EXOC2: variants seen among roughly 807,000 people sequenced by gnomAD.
EXOC2 encodes the protein SEC5-like 1.
A neutral mutation model predicts 131.8 loss-of-function variants in EXOC2; 70 were observed. The observed-to-expected ratio is 0.53, with a 90% CI of 0.44 to 0.65. The LOEUF (loss-of-function observed/expected upper bound fraction) is 0.65, where lower values mean the gene tolerates loss of function less well. EXOC2 is among the 30% of genes least tolerant of loss of function. The probability of loss-of-function intolerance (pLI) is 0.00; values close to 1 mark genes in which losing one functional copy is unlikely to be tolerated. For missense variants in EXOC2, 923 were observed against 1,108.6 expected (o/e 0.83, Z 2.38); for synonymous variants, 411 against 398.4 (o/e 1.03, Z -0.38).
intron 21 of EXOC2, among the ~76,000 whole-genome samples, chr6:551,108 T>C (rs1183537443): frequency 6.6e-6 from 1 of 152,198 alleles, no homozygotes; most frequent in Non-Finnish European, 1.5e-5. Flanking sequence ...CAAAAGCTTA[T>C]TAACAACTAA....
intron 7 of EXOC2, among the ~76,000 whole-genome samples, chr6:609,250 C>A (rs1760589814): frequency 6.6e-6 from 1 of 152,152 alleles, no homozygotes. Flanking sequence ...CACATCACAG[C>A]CTTAAATTCA....
At chr6:588,811 T>G (rs1426493899) in intron 11 of EXOC2, among the ~76,000 whole-genome samples, 1 of 152,180 alleles carries the variant, frequency 6.6e-6, no homozygotes, top group Non-Finnish European at 1.5e-5. Context: ...ACCTTTTTTT[T>G]TTCCAAAACA....
Position 633,048 on chromosome 6 carries a change from C to A in EXOC2, c.188G>T (p.Arg63Leu). Residue 63 changes from arginine (R) to leucine (L), a missense_variant, in exon 3 of 28, where the codon CGA (arginine) becomes CTA (leucine). Physicochemically the swap from Arg to Leu is moderately radical, Grantham distance 102. Coordinates refer to ENST00000230449, the MANE Select transcript of EXOC2 (RefSeq NM_018303.6). ...TTTGTCATTTTTGGCTTGTCCCACT[C>A]GACATACTATTTTACTTGCAGACAT... ...EWMSASKIVC[R>L]VGQAKNDKGD... The A allele has an allele frequency of 6.2e-7, 1 of 1,614,122 alleles. No homozygotes were observed. Among genetic ancestry groups the A allele is most frequent in the Non-Finnish European group, 8.5e-7 (1 of 1,180,020 alleles).
At chr6:572,990 G>A (rs1581467666) in intron 12 of EXOC2, among the ~76,000 whole-genome samples, 2 of 152,158 alleles carry the variant, frequency 1.3e-5, no homozygotes, top group South Asian at 2.1e-4. Flanking sequence ...GATAGTAAAC[G>A]TCTCTTCAAA....
chr6:656,505 G>A (rs771421496), intron 1 of EXOC2: 9 of 1,605,774 alleles, frequency 5.6e-6, no homozygotes, highest in African/African-American at 2.7e-5. Flanking sequence ...CAGGCTGGGC[G>A]GCAGGCAGTC....
intron 4 of EXOC2, among the ~76,000 whole-genome samples, chr6:626,416 T>C (rs1222403679): frequency 6.6e-6 from 1 of 152,186 alleles, no homozygotes; most frequent in Non-Finnish European, 1.5e-5. Context: ...TTACTCTCAC[T>C]GGCTTTGCCA....
chr6:678,941 A>C (rs1271363563), intron 1 of EXOC2, among the ~76,000 whole-genome samples: 1 of 152,228 alleles, frequency 6.6e-6, no homozygotes, highest in Non-Finnish European at 1.5e-5. Flanking sequence ...CATAACTTCA[A>C]ACATCTATAG....
At chr6:631,348 A>G (rs935965411) in intron 3 of EXOC2, among the ~76,000 whole-genome samples, 9 of 151,816 alleles carry the variant, frequency 5.9e-5, no homozygotes, top group Admixed American at 3.9e-4. Context: ...GACCAGCCTG[A>G]CCAACATGGT....
At chr6:498,443 A>G (rs2127478661) in intron 24 of EXOC2, among the ~76,000 whole-genome samples, 1 of 152,350 alleles carries the variant, frequency 6.6e-6, no homozygotes, top group East Asian at 1.9e-4. Flanking sequence ...CTACCATAAC[A>G]AAAACAGAAT....
intron 11 of EXOC2, among the ~76,000 whole-genome samples, chr6:586,271 G>A (rs7752753): frequency 0.016 from 2,425 of 152,200 alleles, 66 homozygotes; most frequent in African/African-American, 0.056. Flanking sequence ...GCAGGCTGCC[G>A]GCTCTGAAGC....
chr6:575,899 G>C (rs1238213932), intron 12 of EXOC2, among the ~76,000 whole-genome samples: 2 of 152,182 alleles, frequency 1.3e-5, no homozygotes, highest in African/African-American at 4.8e-5. Flanking sequence ...TGTTTGGTGA[G>C]CTGGGAGAGG....
rs1757895591 is a variant in EXOC2 at position 564,908 on chromosome 6, T to C, written c.1465A>G (p.Ile489Val). Residue 489 changes from isoleucine (I) to valine (V), a missense_variant, in exon 14 of 28, where the codon ATT (isoleucine) becomes GTT (valine). Physicochemically the swap from Ile to Val is conservative, Grantham distance 29. Transcript: ENST00000230449. ...FSETAEKSGQ[I>V]ERSKNVRQRQ... ...TGCCTTACATTCTTTGATCTTTCAA[T>C]CTGGCCTGACTTCTCAGCAGTCTTA... The C allele has an allele frequency of 6.2e-7, 1 of 1,612,450 alleles. No individual in the cohort carries two copies. The highest frequency in any genetic ancestry group is 1.7e-5 in the Admixed American group (1 of 59,796).
chr6:577,694 A>T (rs1284940854), intron 11 of EXOC2, among the ~76,000 whole-genome samples: 1 of 152,216 alleles, frequency 6.6e-6, no homozygotes, highest in East Asian at 1.9e-4. Flanking sequence ...AATAAACTGA[A>T]TTCAAAGTGC....
chr6:556,645 C>T (rs1757435144), intron 17 of EXOC2, 81 bp from the exon 18 acceptor site: 8 of 1,429,986 alleles, frequency 5.6e-6, no homozygotes, highest in East Asian at 2.3e-5. Flanking sequence ...GAATATGGCC[C>T]CAAGCCCCAC....
At chr6:632,576 A>G (rs1204839103) in intron 3 of EXOC2, among the ~76,000 whole-genome samples, 1 of 152,248 alleles carries the variant, frequency 6.6e-6, no homozygotes, top group Non-Finnish European at 1.5e-5. Context: ...TATTATTACT[A>G]ATTTGGCCAA....
rs1327688925 is a variant in EXOC2, at chr6:506,374, G to C, written c.2381-6674C>G. ...TGGGCCATACAATGCCAAATGTATG[G>C]TGCACACAGTATTAGGGAGGGATCA... On this transcript the variant is annotated intron_variant, in intron 23 of 27. Transcript: ENST00000230449. This position sits in a 1 kb window ranked among gnomAD's most constrained non-coding sequence, Gnocchi z 4.4. Among the ~76,000 whole-genome samples, 1 of 152,184 alleles carries C rather than the reference G, an allele frequency of 6.6e-6. No homozygotes were observed. Among genetic ancestry groups the C allele is most frequent in the Non-Finnish European group, 1.5e-5 (1 of 68,032 alleles).
At chr6:554,900 C>T (rs1757338911) in intron 20 of EXOC2, among the ~76,000 whole-genome samples, 2 of 152,140 alleles carry the variant, frequency 1.3e-5, no homozygotes, top group African/African-American at 2.4e-5. Context: ...TGGTGCCTCC[C>T]CCTAACACCA....
intron 13 of EXOC2, among the ~76,000 whole-genome samples, chr6:568,914 G>A (rs1758123132): frequency 1.3e-5 from 2 of 152,198 alleles, no homozygotes; most frequent in Non-Finnish European, 1.5e-5. Context: ...GTACTGGACA[G>A]TAATTTTGTA....
chr6:495,127 CTTT>C (rs11335527), intron 25 of EXOC2, among the ~76,000 whole-genome samples: 7 of 119,596 alleles, frequency 5.9e-5, no homozygotes, highest in African/African-American at 5.8e-5. Context: ...GGTGAACATT[CTTT>C]TTTTTTTTTT....
Sources: allele counts gnomAD v4.1 joint callset (sites outside exome capture counted in the v4.1 genomes callset), GRCh38; gene constraint gnomAD v4.1.1; non-coding constraint Gnocchi (gnomAD v3.1); transcripts MANE v1.5; gene names NCBI Gene and HGNC (gene_info 2026-07-23, HGNC 2026-07-21).